GNL3L: variants seen among roughly 807,000 people sequenced by gnomAD.
GNL3L encodes the protein G protein nucleolar 3 like.
In GNL3L, 4 loss-of-function variants were observed where a neutral mutation model predicts 42.9. The ratio of observed to expected loss-of-function variants is 0.09; its 90% CI spans 0.05 to 0.21. The LOEUF (loss-of-function observed/expected upper bound fraction) is 0.21. GNL3L is among the 10% of genes least tolerant of loss of function. The pLI, the probability that GNL3L is intolerant of heterozygous loss-of-function variation, is 1.00. For synonymous variants in GNL3L, 159 were observed against 176.3 expected (o/e 0.90, Z 0.78); for missense variants, 412 against 481.7 (o/e 0.86, Z 1.36).
At position 54,558,529 on chromosome X, in the gene GNL3L, A is replaced by G. The variant is rs1431790291; in HGVS notation, c.1540A>G (p.Met514Val). 1.7e-6 allele frequency: 2 copies of G among 1,205,529 alleles called. No homozygotes were observed. The highest frequency in any genetic ancestry group is 2.2e-6 in the Non-Finnish European group (2 of 891,534). The change falls in exon 15 of 16, where the codon ATG becomes GTG. Residue 514 changes from methionine (M) to valine (V), a missense_variant. By Grantham distance (21) the Met-to-Val change is conservative (BLOSUM62 1). Coordinates refer to ENST00000360845, the MANE Select transcript of GNL3L (RefSeq NM_001184819.2). ...GGACCACCGCCCTAAGAGCAACAGT[A>G]TGGTGGATGTCTGCTCAGTGGACCG... ...NVDHRPKSNS[M>V]VDVCSVDRRS...
the GNL3L span, among the ~76,000 whole-genome samples, chrX:54,643,584 C>T: frequency 2.8e-3 from 308 of 111,124 alleles, 1 homozygote; most frequent in Middle Eastern, 0.018. Flanking sequence ...ATTGGGATAA[C>T]CATCACCTCA....
At chrX:54,615,611 C>A (rs1363387925) in intron 16 of GNL3L, among the ~76,000 whole-genome samples, 1 of 111,788 alleles carries the variant, frequency 8.9e-6, no homozygotes, top group Non-Finnish European at 1.9e-5. Context: ...TTTATCTCTA[C>A]TAAGTATTTC....
intron 16 of GNL3L, among the ~76,000 whole-genome samples, chrX:54,614,917 A>G (rs1260945780): frequency 2.7e-5 from 3 of 111,186 alleles, no homozygotes; most frequent in African/African-American, 9.8e-5. Context: ...CTGCAATCTA[A>G]TCTTGCCCTC....
Position 54,560,719 on chromosome X carries a change from A to G in GNL3L, c.*117A>G, listed in dbSNP as rs1005503510. The G allele has an allele frequency of 1.4e-5, 7 of 517,491 alleles. No individual in the cohort carries two copies. Among genetic ancestry groups the G allele is most frequent in the Admixed American group, 7.7e-5 (3 of 38,994 alleles). The allele number at this position is 517,491 out of a possible 1,213,427, so 42.6% of individuals were successfully genotyped here. A position where few individuals can be genotyped will look rare whatever the true frequency, so the allele number is the denominator to read the frequency against. ...TGCATATTGAAAGAACGCTTTCCCC[A>G]CTGTGTGTCTTCTCCCCCTCCTCCA... On this transcript the variant is annotated 3_prime_UTR_variant, in exon 16 of 16. Coordinates refer to ENST00000360845, the MANE Select transcript of GNL3L (RefSeq NM_001184819.2).
chrX:54,552,007 C>A (rs377710611), intron 12 of GNL3L, 33 bp downstream of exon 12: 1 of 1,189,344 alleles, frequency 8.4e-7, no homozygotes. Context: ...GGGTGAGGCC[C>A]GCTGGCAGCC....
intron 8 of GNL3L, among the ~76,000 whole-genome samples, chrX:54,544,617 G>A (rs1000933505): frequency 1.2e-4 from 13 of 109,188 alleles, no homozygotes; most frequent in African/African-American, 6.7e-5. Context: ...TTACATGCAC[G>A]CGTCACCATG....
At chrX:54,533,287 G>C (rs1268425600) in intron 2 of GNL3L, among the ~76,000 whole-genome samples, 1 of 108,455 alleles carries the variant, frequency 9.2e-6, no homozygotes, top group Non-Finnish European at 1.9e-5. Flanking sequence ...AGAATCGCTT[G>C]AGCCTGGGAA....
downstream of GNL3L, among the ~76,000 whole-genome samples, chrX:54,570,254 TTTA>T (rs1214768540): frequency 8.9e-6 from 1 of 112,093 alleles, no homozygotes; most frequent in African/African-American, 3.2e-5. Flanking sequence ...TGCATAGACC[TTTA>T]GGATTGTCAT....
chrX:54,580,520 T>C (rs931045249), intron 16 of GNL3L, among the ~76,000 whole-genome samples: 2 of 110,732 alleles, frequency 1.8e-5, no homozygotes, highest in Non-Finnish European at 3.8e-5. Flanking sequence ...TACCCAGTAA[T>C]GGGATGGCTG....
chrX:54,588,042 G>A (rs916441331), intron 16 of GNL3L, among the ~76,000 whole-genome samples: 3 of 111,849 alleles, frequency 2.7e-5, no homozygotes, highest in Non-Finnish European at 5.6e-5. Flanking sequence ...ATATAATTGA[G>A]TTCTGTATGT....
intron 10 of GNL3L, among the ~76,000 whole-genome samples, 192 bp from the exon 11 acceptor site, chrX:54,551,376 C>T (rs1161163134): frequency 8.9e-6 from 1 of 111,834 alleles, no homozygotes; most frequent in Non-Finnish European, 1.9e-5. Context: ...TCCCCAGTGG[C>T]AGAGGATAGA....
chrX:54,593,496 A>T (rs1307159092), intron 16 of GNL3L, among the ~76,000 whole-genome samples: 2 of 106,786 alleles, frequency 1.9e-5, no homozygotes, highest in East Asian at 5.9e-4. Flanking sequence ...GATTTTATTT[A>T]TTTGGGTCCT....
chrX:54,579,629 G>A (rs1004977794), intron 16 of GNL3L, among the ~76,000 whole-genome samples: 1 of 112,056 alleles, frequency 8.9e-6, no homozygotes, highest in African/African-American at 3.2e-5. Context: ...GAACTCTTGG[G>A]CTCAAGAGAT....
At chrX:54,639,053 A>G in the GNL3L span, among the ~76,000 whole-genome samples, 1 of 111,462 alleles carries the variant, frequency 9.0e-6, no homozygotes, top group Non-Finnish European at 1.9e-5. Flanking sequence ...GGAGTCTTGG[A>G]TGTATATATA....
At chrX:54,571,720 A>G (rs1371978948), downstream of GNL3L, among the ~76,000 whole-genome samples, 4 of 110,088 alleles carry the variant, frequency 3.6e-5, no homozygotes, top group Non-Finnish European at 3.8e-5. Context: ...TGTAATTATA[A>G]TATGCCTTGG....
At chrX:54,578,951 T>C (rs1410345494) in intron 16 of GNL3L, among the ~76,000 whole-genome samples, 1 of 112,421 alleles carries the variant, frequency 8.9e-6, no homozygotes, top group Non-Finnish European at 1.9e-5. Context: ...GTGGTTTGAA[T>C]ATGCATTTCT....
At chrX:54,532,296 C>T (rs3747323) in intron 1 of GNL3L, among the ~76,000 whole-genome samples, 2 of 109,381 alleles carry the variant, frequency 1.8e-5, no homozygotes, top group Non-Finnish European at 3.8e-5. Flanking sequence ...GACTCCACCC[C>T]GGATGAGGTT....
At chrX:54,607,016 CTTTCTT>C (rs1569542578) in intron 16 of GNL3L, among the ~76,000 whole-genome samples, 12 of 54,570 alleles carry the variant, frequency 2.2e-4, no homozygotes, top group African/African-American at 1.0e-3. Context: ...TTCTTTCTTT[CTTTCTT>C]TCTTTCTTTC....
At chrX:54,538,551 G>A (rs764735886) in intron 2 of GNL3L, among the ~76,000 whole-genome samples, 5 of 111,523 alleles carry the variant, frequency 4.5e-5, no homozygotes, top group South Asian at 3.7e-4. Flanking sequence ...TGAGGGAGGC[G>A]GCAGCATTTT....
Sources: gnomAD v4.1 joint callset for allele counts (sites outside exome capture counted in the v4.1 genomes callset) on GRCh38, gnomAD v4.1.1 for gene constraint, MANE v1.5 for transcripts, NCBI Gene and HGNC (gene_info 2026-07-23, HGNC 2026-07-21) for gene names.